CTNNA2: variants seen among roughly 807,000 people sequenced by gnomAD.
CTNNA2 encodes the protein catenin alpha 2, also known as catenin alpha-2.
CTNNA2 carries 42 observed loss-of-function variants against 101.0 expected under a neutral mutation model. The observed-to-expected ratio is 0.42, with a 90% confidence interval of 0.32 to 0.54. The LOEUF is 0.54. Among genes scored for constraint, CTNNA2 ranks in the 20% least tolerant of loss-of-function variants. The pLI is 0.14. For missense variants in CTNNA2, 871 were observed against 1,223.1 expected (o/e 0.71, Z 4.29); for synonymous variants, 450 against 456.4 (o/e 0.99, Z 0.18).
chr2:80,201,515 A>AGGCGC (rs933226469), intron 7 of CTNNA2, among the ~76,000 whole-genome samples: 1 of 151,554 alleles, frequency 6.6e-6, no homozygotes, highest in Non-Finnish European at 1.5e-5. Context: ...CTGGGACTAC[A>AGGCGC]GGCGCCTGCC....
chr2:79,216,630 G>A (rs1264593927), intron 2 of CTNNA2, among the ~76,000 whole-genome samples: 2 of 151,564 alleles, frequency 1.3e-5, no homozygotes, highest in Admixed American at 6.6e-5. Context: ...GTAGAGACAT[G>A]CAGAGAAGGG....
intron 7 of CTNNA2, among the ~76,000 whole-genome samples, chr2:80,024,088 G>GAAAA (rs1158051768): frequency 3.7e-5 from 2 of 54,724 alleles, no homozygotes; most frequent in African/African-American, 7.6e-5. Context: ...CTCCGTCTCA[G>GAAAA]AAAAAAAAAA....
intron 2 of CTNNA2, among the ~76,000 whole-genome samples, chr2:79,274,352 T>C (rs187888192): frequency 6.6e-6 from 1 of 152,214 alleles, no homozygotes; most frequent in African/African-American, 2.4e-5. Flanking sequence ...TGGGGACTTT[T>C]AGTCTGAGAA....
At chr2:79,414,169 C>T (rs1678450885) in intron 4 of CTNNA2, among the ~76,000 whole-genome samples, 1 of 151,886 alleles carries the variant, frequency 6.6e-6, no homozygotes, top group Non-Finnish European at 1.5e-5. Flanking sequence ...AAAAGCTACT[C>T]CCTTTCTCAT....
chr2:79,755,258 G>A (rs555199541), intron 3 of CTNNA2, among the ~76,000 whole-genome samples: 2 of 152,322 alleles, frequency 1.3e-5, no homozygotes, highest in South Asian at 4.1e-4. Flanking sequence ...TTGAGCCTAG[G>A]AGTTTGAGGC....
chr2:79,948,984 A>G (rs1450836458), intron 7 of CTNNA2, among the ~76,000 whole-genome samples: 1 of 152,076 alleles, frequency 6.6e-6, no homozygotes, highest in African/African-American at 2.4e-5. Flanking sequence ...AAATAAATAA[A>G]TAAATAAAAT....
intron 2 of CTNNA2, among the ~76,000 whole-genome samples, chr2:79,248,067 C>A (rs1168511009): frequency 6.6e-6 from 1 of 152,178 alleles, no homozygotes; most frequent in Non-Finnish European, 1.5e-5. Flanking sequence ...CACAGGGCAG[C>A]CTACAGGAGT....
chr2:80,438,395 GT>G (rs530639965), intron 9 of CTNNA2, among the ~76,000 whole-genome samples: 29 of 143,094 alleles, frequency 2.0e-4, no homozygotes, highest in South Asian at 4.4e-4. Context: ...GATGCCAAAT[GT>G]TTTTTTTTTT....
At chr2:80,401,867 C>T (rs901279405) in intron 8 of CTNNA2, among the ~76,000 whole-genome samples, 6 of 152,004 alleles carry the variant, frequency 3.9e-5, no homozygotes, top group South Asian at 2.1e-4. Flanking sequence ...AAAACGTATG[C>T]GGTATGATTT....
chr2:80,084,116 A>G (rs1255531646), intron 7 of CTNNA2, among the ~76,000 whole-genome samples: 7 of 152,172 alleles, frequency 4.6e-5, no homozygotes, highest in Non-Finnish European at 1.0e-4. Context: ...AGGACAAGTT[A>G]AAAGTCTCTT....
chr2:79,996,283 C>T (rs74891876), intron 7 of CTNNA2, among the ~76,000 whole-genome samples: 1,748 of 152,228 alleles, frequency 0.011, 58 homozygotes, highest in South Asian at 0.1. Context: ...ATTAGACACA[C>T]GGCATAAACA....
At chr2:79,456,557 C>A (rs1670824894) in intron 4 of CTNNA2, among the ~76,000 whole-genome samples, 1 of 152,126 alleles carries the variant, frequency 6.6e-6, no homozygotes, top group South Asian at 2.1e-4. Flanking sequence ...TTTGAGAAAG[C>A]TTTGAATTTC....
chr2:79,259,605 A>ACGCC, intron 2 of CTNNA2, among the ~76,000 whole-genome samples: 1 of 152,270 alleles, frequency 6.6e-6, no homozygotes, highest in Middle Eastern at 3.4e-3. Context: ...GAGATAGGGT[A>ACGCC]CAGGACAAGT....
At chr2:79,369,517 A>T (rs1573129143) in intron 3 of CTNNA2, among the ~76,000 whole-genome samples, 1 of 152,096 alleles carries the variant, frequency 6.6e-6, no homozygotes, top group East Asian at 1.9e-4. Context: ...TGTGGACATG[A>T]CTGCTCTTCC....
intron 9 of CTNNA2, among the ~76,000 whole-genome samples, chr2:80,422,793 T>G (rs1680647098): frequency 6.6e-6 from 1 of 152,206 alleles, no homozygotes; most frequent in African/African-American, 2.4e-5. Flanking sequence ...TCCTTCTATT[T>G]TTTGGAAGTG....
At chr2:80,263,071 G>A (rs954962762) in intron 7 of CTNNA2, among the ~76,000 whole-genome samples, 2 of 152,124 alleles carry the variant, frequency 1.3e-5, no homozygotes, top group African/African-American at 4.8e-5. Flanking sequence ...TTAACTGAGT[G>A]TATGTGATGG....
In CTNNA2 at chr2:80,090,676, G is replaced by T. The variant is rs550742822; in HGVS notation, c.1056+180879G>T. On this transcript the variant is annotated intron_variant, in intron 7 of 18. Transcript: ENST00000402739. Reference sequence around the variant, plus strand: ...CATAAAAGAAGTTTATATTAGAAAAGGTGGAAGCCTTTTCAGGGATATGCA... The same window carrying T: ...CATAAAAGAAGTTTATATTAGAAAATGTGGAAGCCTTTTCAGGGATATGCA... Among the ~76,000 whole-genome samples the T allele has an allele frequency of 2.6e-5, 4 of 152,084 alleles. No homozygotes were observed. The East Asian group carries it at 7.8e-4, about 29-fold the overall frequency.
chr2:80,170,233 G>C (rs1900256), intron 7 of CTNNA2, among the ~76,000 whole-genome samples: 79,615 of 141,404 alleles, frequency 0.56, 21,513 homozygotes, highest in Non-Finnish European at 0.62. Context: ...CTCTCTCTCT[G>C]TGTGTGTGTG....
At chr2:80,452,368 C>T (rs987551593) in intron 9 of CTNNA2, among the ~76,000 whole-genome samples, 2 of 151,656 alleles carry the variant, frequency 1.3e-5, no homozygotes, top group African/African-American at 4.9e-5. Flanking sequence ...ATGAGTAACA[C>T]AGATGTGATC....
Sources: allele counts gnomAD v4.1 joint callset (sites outside exome capture counted in the v4.1 genomes callset), GRCh38; gene constraint gnomAD v4.1.1; transcripts MANE v1.5; gene names NCBI Gene and HGNC (gene_info 2026-07-23, HGNC 2026-07-21).